The following NRG1 variants were observed in gnomAD, a reference collection of about 807,000 sequenced individuals.
NRG1 encodes the protein neuregulin 1.
Under a neutral mutation model 63.8 loss-of-function variants are expected in NRG1, and 18 were observed. The observed-to-expected ratio is 0.28, with a 90% CI of 0.19 to 0.42. The LOEUF (loss-of-function observed/expected upper bound fraction) is 0.42. NRG1 is among the 10% of genes least tolerant of loss of function. The pLI is 1.00. For synonymous variants in NRG1, 302 were observed against 301.3 expected, an observed-to-expected ratio of 1.00 and a Z score of -0.02; for missense variants, 762 against 814.7, an observed-to-expected ratio of 0.94 and a Z score of 0.79.
At chr8:32,721,182 A>G (rs1820532021) in intron 5 of NRG1, among the ~76,000 whole-genome samples, 1 of 152,186 alleles carries the variant, frequency 6.6e-6, no homozygotes, top group Non-Finnish European at 1.5e-5. Context: ...GAGGTATTTT[A>G]CTAAAGACTG....
At chr8:32,422,821 G>A (rs574788155) in intron 1 of NRG1, among the ~76,000 whole-genome samples, 2 of 152,374 alleles carry the variant, frequency 1.3e-5, no homozygotes, top group South Asian at 4.1e-4. Context: ...ACTGAATGCA[G>A]TTGTGATGTA....
At chr8:32,102,218 G>A (rs989639582) in intron 1 of NRG1, among the ~76,000 whole-genome samples, 1 of 152,120 alleles carries the variant, frequency 6.6e-6, no homozygotes, top group Non-Finnish European at 1.5e-5. Context: ...ACTCATTGTA[G>A]CCTCGACCTC....
At chr8:32,013,348 A>G (rs1471975333) in intron 1 of NRG1, among the ~76,000 whole-genome samples, 1 of 152,128 alleles carries the variant, frequency 6.6e-6, no homozygotes, top group African/African-American at 2.4e-5. Flanking sequence ...CCCACTGGGT[A>G]AAGGGAGACA....
intron 1 of NRG1, among the ~76,000 whole-genome samples, chr8:32,377,490 T>G (rs1809778685): frequency 6.6e-6 from 1 of 152,158 alleles, no homozygotes; most frequent in African/African-American, 2.4e-5. Context: ...ATGCAGGCTG[T>G]TTTTTTCTAT....
intron 1 of NRG1, among the ~76,000 whole-genome samples, chr8:32,581,136 C>G (rs1007379257): frequency 1.3e-5 from 2 of 152,126 alleles, no homozygotes; most frequent in African/African-American, 2.4e-5. Flanking sequence ...TTTTCATACT[C>G]AATTCTATAT....
At chr8:32,565,999 C>G (rs191624279) in intron 1 of NRG1, among the ~76,000 whole-genome samples, 2 of 152,144 alleles carry the variant, frequency 1.3e-5, no homozygotes, top group Admixed American at 6.5e-5. Context: ...CTGTGCACAC[C>G]TAGGCATGTA....
At chr8:32,556,718 A>G (rs1468343856) in intron 1 of NRG1, among the ~76,000 whole-genome samples, 1 of 152,252 alleles carries the variant, frequency 6.6e-6, no homozygotes, top group Non-Finnish European at 1.5e-5. Flanking sequence ...TATTTTATAA[A>G]TAAAGTTCAA....
chr8:32,212,145 A>C (rs1169916095), intron 1 of NRG1, among the ~76,000 whole-genome samples: 1 of 152,154 alleles, frequency 6.6e-6, no homozygotes, highest in African/African-American at 2.4e-5. Context: ...CTTAAAAATT[A>C]TGTAAGGTTT....
At chr8:32,710,440 A>G (rs1817528305) in intron 5 of NRG1, among the ~76,000 whole-genome samples, 1 of 152,144 alleles carries the variant, frequency 6.6e-6, no homozygotes, top group Non-Finnish European at 1.5e-5. Flanking sequence ...TCATAACTAA[A>G]TTTAGCATTT....
chr8:32,059,773 C>G (rs1246524890), intron 1 of NRG1, among the ~76,000 whole-genome samples: 1 of 151,940 alleles, frequency 6.6e-6, no homozygotes, highest in Non-Finnish European at 1.5e-5. Flanking sequence ...AAGGAAACTT[C>G]TTGGTTTATA....
chr8:32,756,301 A>T, intron 8 of NRG1, 102 bp from the exon 9 acceptor site: 2 of 1,310,552 alleles, frequency 1.5e-6, no homozygotes, highest in Non-Finnish European at 2.1e-6. Context: ...TCACCAGTCT[A>T]CTGCCTTGAA....
chr8:32,343,647 T>C (rs1399412835), intron 1 of NRG1, among the ~76,000 whole-genome samples: 1 of 152,226 alleles, frequency 6.6e-6, no homozygotes, highest in Non-Finnish European at 1.5e-5. Context: ...GAATCTGTTT[T>C]TATTACTCAG....
intron 1 of NRG1, among the ~76,000 whole-genome samples, chr8:32,028,372 C>G (rs1487418569): frequency 6.6e-6 from 1 of 152,070 alleles, no homozygotes; most frequent in Non-Finnish European, 1.5e-5. Flanking sequence ...AAATAATTTT[C>G]TGATTGTAAG....
At chr8:32,193,818 C>T (rs1842723653) in intron 1 of NRG1, among the ~76,000 whole-genome samples, 1 of 152,194 alleles carries the variant, frequency 6.6e-6, no homozygotes, top group African/African-American at 2.4e-5. Flanking sequence ...GAAATTTAGA[C>T]TGAGACAGAG....
intron 1 of NRG1, among the ~76,000 whole-genome samples, chr8:31,843,128 A>C (rs1826351274): frequency 6.6e-6 from 1 of 151,988 alleles, no homozygotes; most frequent in Non-Finnish European, 1.5e-5. Context: ...GAAAAAAAAA[A>C]CACCTTTTAT....
chr8:32,480,499 C>CA (rs971773814), intron 1 of NRG1, among the ~76,000 whole-genome samples: 11 of 125,534 alleles, frequency 8.8e-5, no homozygotes, highest in Admixed American at 1.5e-4. Context: ...ACAAAAAAAA[C>CA]AAAAAAAACG....
intron 1 of NRG1, among the ~76,000 whole-genome samples, chr8:32,375,979 A>G (rs1190275639): frequency 6.6e-6 from 1 of 152,210 alleles, no homozygotes; most frequent in Non-Finnish European, 1.5e-5. Context: ...TTTATTTTCA[A>G]GAATAAAATA....
At chr8:32,220,490 T>G (rs1563921985) in intron 1 of NRG1, among the ~76,000 whole-genome samples, 1 of 152,014 alleles carries the variant, frequency 6.6e-6, no homozygotes, top group African/African-American at 2.4e-5. Flanking sequence ...TAATATCGGT[T>G]AGTAGCTTGG....
intron 1 of NRG1, among the ~76,000 whole-genome samples, chr8:32,451,161 T>C (rs1820900163): frequency 6.6e-6 from 1 of 152,210 alleles, no homozygotes; most frequent in Non-Finnish European, 1.5e-5. Flanking sequence ...GGAAATAATA[T>C]GGGAGTGGAC....
Sources: gnomAD v4.1 joint callset for allele counts (sites outside exome capture counted in the v4.1 genomes callset) on GRCh38, gnomAD v4.1.1 for gene constraint, MANE v1.5 for transcripts, NCBI Gene and HGNC (gene_info 2026-07-23, HGNC 2026-07-21) for gene names.